The following BEND7 variants were observed in gnomAD, a reference collection of about 807,000 sequenced individuals.
The protein encoded by BEND7 is BEN domain containing 7.
Under a neutral mutation model 50.9 loss-of-function variants are expected in BEND7, and 28 were observed. That is an observed-to-expected ratio of 0.55 (90% CI 0.41 to 0.75). The LOEUF (loss-of-function observed/expected upper bound fraction) is 0.75, where lower values mean the gene tolerates loss of function less well. Among genes scored for constraint, BEND7 ranks in the 30% least tolerant of loss-of-function variants. BEND7 has a pLI of 0.00. For synonymous variants in BEND7, 170 were observed against 183.9 expected (o/e 0.92, Z 0.61); for missense variants, 477 against 491.3 (o/e 0.97, Z 0.28).
intron 5 of BEND7, among the ~76,000 whole-genome samples, chr10:13,492,148 C>A (rs904913954): frequency 6.6e-6 from 1 of 152,056 alleles, no homozygotes; most frequent in Non-Finnish European, 1.5e-5. Context: ...GCGCTGCCAC[C>A]TAATTAGTGG....
At chr10:13,451,187 C>T (rs1248704540) in intron 7 of BEND7, among the ~76,000 whole-genome samples, 2 of 151,054 alleles carry the variant, frequency 1.3e-5, no homozygotes, top group African/African-American at 4.9e-5. Context: ...AGAATTTCTC[C>T]ACCTTTTTTT....
rs1321497773 is a variant in BEND7 at position 13,499,970 on chromosome 10, C to G, written c.256G>C (p.Glu86Gln). Residue 86 changes from glutamate (E) to glutamine (Q), a missense_variant, in exon 3 of 9, where the codon GAA becomes CAA. Around this residue, in one of 3 missense-constraint regions of BEND7, gnomAD observed 396 missense variants for 384.2 expected, o/e 1.03. Transcript: ENST00000466271. ...ACTAAATCCAGGTCCTGGGGCTCTT[C>G]TTTTAGTTTCTCTCCTTCTTTGCCA... ...RVGKEGEKLKEEPQDLDLVWP... is the reference protein window; with the variant it reads ...RVGKEGEKLKQEPQDLDLVWP... 4 of 1,614,238 alleles carry G rather than the reference C, an allele frequency of 2.5e-6. No individual in the cohort carries two copies. The highest frequency in any genetic ancestry group is 2.5e-6 in the Non-Finnish European group (3 of 1,180,038).
At chr10:13,452,727 T>C in intron 6 of BEND7, 69 bp from the exon 7 acceptor site, 1 of 1,413,570 alleles carries the variant, frequency 7.1e-7, no homozygotes, top group Non-Finnish European at 9.6e-7. Context: ...AACAGAAATA[T>C]ATTCTAAAAA....
chr10:13,455,153 C>T (rs1838653203), intron 6 of BEND7, among the ~76,000 whole-genome samples: 1 of 152,118 alleles, frequency 6.6e-6, no homozygotes, highest in Non-Finnish European at 1.5e-5. Context: ...GCCTGGGTGA[C>T]AGAGCAAGAC....
At chr10:13,477,609 A>G (rs1057190209) in intron 6 of BEND7, among the ~76,000 whole-genome samples, 14 of 152,254 alleles carry the variant, frequency 9.2e-5, no homozygotes, top group South Asian at 2.1e-4. Flanking sequence ...TACAGTAAAG[A>G]AAAATGTATT....
chr10:13,501,107 G>A (rs983141181), intron 2 of BEND7, among the ~76,000 whole-genome samples: 3 of 152,196 alleles, frequency 2.0e-5, no homozygotes, highest in Non-Finnish European at 4.4e-5. Context: ...GGGCACAGTG[G>A]CTCACGCCTG....
chr10:13,473,153 C>T (rs575672983), intron 6 of BEND7, among the ~76,000 whole-genome samples: 129 of 151,834 alleles, frequency 8.5e-4, no homozygotes, highest in African/African-American at 3.0e-3. Flanking sequence ...TGATACCTGT[C>T]ATCTCTCTTA....
In BEND7 at chr10:13,494,119, A is replaced by T. The variant is rs995915493; in HGVS notation, c.572-1243T>A. On this transcript the variant is annotated intron_variant, in intron 4 of 8. Transcript: ENST00000466271. The stretch of plus-strand genomic sequence containing the variant: ...TTGTACATTAGAATCACTTGAGTTT[A>T]AAAAAACTGAGATGCCGGGCCAGGC... Among the ~76,000 whole-genome samples the T allele has an allele frequency of 2.6e-5, 4 of 151,964 alleles. No homozygotes were observed. In the South Asian group the frequency reaches 8.3e-4, roughly 32 times the overall value.
At chr10:13,517,176 C>T (rs2132586283) in intron 2 of BEND7, among the ~76,000 whole-genome samples, 1 of 152,028 alleles carries the variant, frequency 6.6e-6, no homozygotes, top group South Asian at 2.1e-4. Context: ...CTGATCCTCC[C>T]ACCTCAGCCT....
intron 5 of BEND7, 77 bp from the exon 6 acceptor site, chr10:13,481,201 AC>A: frequency 7.5e-7 from 1 of 1,335,136 alleles, no homozygotes; most frequent in South Asian, 1.3e-5. Context: ...CAACAAAAAA[AC>A]ATCACTAGCT....
chr10:13,441,456 TGG>T lies in BEND7; in HGVS notation c.*285_*286del. On this transcript the variant is annotated 3_prime_UTR_variant, in exon 9 of 9. Transcript: ENST00000466271. ...TAGATCCGTTCATCGCACACATCTT[TGG>T]GTTGAACAAGCTCCACCCGTCCTCA... 2 of 1,278,796 alleles carry T rather than the reference TGG, an allele frequency of 1.6e-6. No homozygotes were observed. The highest frequency in any genetic ancestry group is 2.0e-6 in the Non-Finnish European group (2 of 1,014,538). The allele number at this position is 1,278,796 out of a possible 1,614,324, so 79.2% of individuals were successfully genotyped here.
intron 6 of BEND7, among the ~76,000 whole-genome samples, chr10:13,461,659 G>C (rs1840234167): frequency 6.6e-6 from 1 of 152,028 alleles, no homozygotes; most frequent in Non-Finnish European, 1.5e-5. Context: ...CTTGAACCTG[G>C]GAGGCAGAGG....
intron 4 of BEND7, among the ~76,000 whole-genome samples, chr10:13,493,635 C>T (rs1422457924): frequency 1.3e-5 from 2 of 152,154 alleles, no homozygotes; most frequent in Admixed American, 1.3e-4. Context: ...ACATGAAAAG[C>T]ACAGTACAGG....
At chr10:13,527,815 A>G (rs1330785933) in intron 1 of BEND7, 1 of 982,580 alleles carries the variant, frequency 1.0e-6, no homozygotes, top group Non-Finnish European at 1.2e-6. Context: ...CTCCCTGACA[A>G]AATACAAACC....
At chr10:13,475,673 C>T (rs115647362) in intron 6 of BEND7, among the ~76,000 whole-genome samples, 2,034 of 150,950 alleles carry the variant, frequency 0.013, 45 homozygotes, top group African/African-American at 0.047. Context: ...CATCTGAAAT[C>T]ATCTGTATTT....
At position 13,507,843 on chromosome 10, in the gene BEND7, G is replaced by C. The variant is rs140365922; in HGVS notation, c.146-7763C>G. On this transcript the variant is annotated intron_variant, in intron 2 of 8. Transcript: ENST00000466271. ...CTGTGAACGTATTTTAAAGAAAAAT[G>C]CTTTAAAACTCCTTGCATTTTTTAG... 6.1e-3 allele frequency among the ~76,000 whole-genome samples: 933 copies of C among 152,286 alleles called. 5 individuals carry two copies. The highest frequency in any genetic ancestry group is 0.018 in the South Asian group (88 of 4,826).
downstream of BEND7, chr10:13,439,587 G>T: frequency 8.0e-7 from 1 of 1,248,972 alleles, no homozygotes; most frequent in Non-Finnish European, 1.1e-6. Flanking sequence ...CCTTATCTTA[G>T]TGAGTGCAAG....
intron 6 of BEND7, among the ~76,000 whole-genome samples, chr10:13,479,676 T>C (rs1445521930): frequency 6.6e-6 from 1 of 152,226 alleles, no homozygotes; most frequent in Non-Finnish European, 1.5e-5. Flanking sequence ...CACTTCAGGC[T>C]GAATCACTCT....
intron 5 of BEND7, among the ~76,000 whole-genome samples, chr10:13,487,297 AC>A (rs1467943946): frequency 6.6e-6 from 1 of 152,152 alleles, no homozygotes; most frequent in East Asian, 1.9e-4. Flanking sequence ...TCCAGCTAAT[AC>A]ACGATGAAGC....
Sources: gnomAD v4.1 joint callset for allele counts (sites outside exome capture counted in the v4.1 genomes callset) on GRCh38, gnomAD v4.1.1 for gene constraint, gnomAD v4.1.1 regional missense constraint, MANE v1.5 for transcripts, NCBI Gene and HGNC (gene_info 2026-07-23, HGNC 2026-07-21) for gene names.